Variants in COL6A3 observed in about 807,000 individuals in gnomAD.
The protein encoded by COL6A3 is collagen alpha-3(VI) chain.
Under a neutral mutation model 274.1 loss-of-function variants are expected in COL6A3, and 137 were observed. That is an observed-to-expected ratio of 0.50 (90% CI 0.44 to 0.58). The LOEUF (loss-of-function observed/expected upper bound fraction) is 0.58. COL6A3 is among the 20% of genes least tolerant of loss of function. The pLI, the probability that COL6A3 is intolerant of heterozygous loss-of-function variation, is 0.00. For missense variants in COL6A3, 3,950 were observed against 4,124.9 expected (o/e 0.96, Z 1.16); for synonymous variants, 1,650 against 1,650.6 (o/e 1.00, Z 0.01).
chr2:237,336,603 G>A, intron 39 of COL6A3, 71 bp from the exon 40 acceptor site: 1 of 1,529,194 alleles, frequency 6.5e-7, no homozygotes, highest in Non-Finnish European at 9.0e-7. Context: ...ATAACCCCAT[G>A]AGCTACATTA....
At chr2:237,338,532 G>A (rs905578231) in intron 39 of COL6A3, among the ~76,000 whole-genome samples, 1 of 152,170 alleles carries the variant, frequency 6.6e-6, no homozygotes, top group Non-Finnish European at 1.5e-5. Context: ...GGAGGCTGAG[G>A]CAGGCAGATC....
Position 237,374,804 on chromosome 2 carries a change from C to T in COL6A3, c.3287G>A (p.Arg1096His), listed in dbSNP as rs200860322. Residue 1096 changes from arginine (R) to histidine (H), a missense_variant, in exon 8 of 44, where the codon CGC becomes CAC. Arg to His is a conservative substitution (Grantham distance 29, BLOSUM62 0). Coordinates refer to ENST00000295550, the MANE Select transcript of COL6A3 (RefSeq NM_004369.4). This position sits in a 1 kb window ranked among gnomAD's most constrained non-coding sequence, Gnocchi z 4.8. The part of the protein sequence containing the change: ...MNKQDVVNAV[R>H]QLTLLGGPTP... The stretch of plus-strand genomic sequence containing the variant: ...CGGCCCTCCCAGCAGGGTCAGCTGG[C>T]GGACAGCGTTGACGACGTCCTGCTT... 3.0e-5 allele frequency: 48 copies of T among 1,613,924 alleles called. No individual in the cohort carries two copies. The highest frequency in any genetic ancestry group is 1.6e-4 in the Middle Eastern group (1 of 6,084).
At chr2:237,369,507 C>T (rs1359117030) in intron 9 of COL6A3, among the ~76,000 whole-genome samples, 1 of 152,232 alleles carries the variant, frequency 6.6e-6, no homozygotes. Flanking sequence ...CCGTAATCTA[C>T]AGAATCATGA....
In COL6A3 at chr2:237,372,289, C is replaced by T; in HGVS notation, c.3728G>A (p.Ser1243Asn). Reference sequence around the variant, plus strand: ...AACGTACTGGAACTCAGGCCCGGCACTTTGGGACCCATCGATGAGAAAGAC... The same window carrying T: ...AACGTACTGGAACTCAGGCCCGGCATTTTGGGACCCATCGATGAGAAAGAC... Reference protein sequence around the residue: ...DVVFLIDGSQSAGPEFQYVRT... With the variant: ...DVVFLIDGSQNAGPEFQYVRT... The change falls in exon 9 of 44, where the codon AGT (serine) becomes AAT (asparagine). Residue 1243 changes from serine to asparagine, a missense_variant. Coordinates refer to ENST00000295550, the MANE Select transcript of COL6A3 (RefSeq NM_004369.4). 6.2e-7 allele frequency: 1 copy of T among 1,612,360 alleles called. No individual in the cohort carries two copies. The highest frequency in any genetic ancestry group is 1.1e-5 in the South Asian group (1 of 91,088).
rs1042465536 is a variant in COL6A3, at chr2:237,358,697, C to T, written c.6409-114G>A. Reference sequence around the variant, plus strand: ...TAACTAGAACAATGTTTACAATTTACTCATTCACCATGAAGGCAAATTCAC... The same window carrying T: ...TAACTAGAACAATGTTTACAATTTATTCATTCACCATGAAGGCAAATTCAC... On this transcript the variant is annotated intron_variant, in intron 20 of 43. Transcript: ENST00000295550. 1.7e-5 allele frequency: 17 copies of T among 1,029,842 alleles called. No individual in the cohort carries two copies. In the African/African-American group the frequency reaches 2.0e-4, roughly 12 times the overall value. The allele number at this position is 1,029,842 out of a possible 1,614,324, so 63.8% of individuals were successfully genotyped here. A position where few individuals can be genotyped will look rare whatever the true frequency, so the allele number is the denominator to read the frequency against.
chr2:237,387,569 A>G lies in COL6A3; in HGVS notation c.1312+13T>C, dbSNP rs751768159. Reference sequence around the variant, plus strand: ...CCCCACTCCCACACAGATGGTGAGAAGAGGATACATACCTTGTGTGACAAT... The same window carrying G: ...CCCCACTCCCACACAGATGGTGAGAGGAGGATACATACCTTGTGTGACAAT... On this transcript the variant is annotated intron_variant, in intron 4 of 43. Coordinates refer to ENST00000295550, the MANE Select transcript of COL6A3 (RefSeq NM_004369.4). The G allele has an allele frequency of 6.2e-7, 1 of 1,613,880 alleles. No homozygotes were observed. The highest frequency in any genetic ancestry group is 8.5e-7 in the Non-Finnish European group (1 of 1,179,990).
chr2:237,340,502 T>A lies in COL6A3; in HGVS notation c.8414A>T (p.Asn2805Ile). 2 of 1,614,094 alleles carry A rather than the reference T, an allele frequency of 1.2e-6. No homozygotes were observed. Among genetic ancestry groups the A allele is most frequent in the East Asian group, 4.5e-5 (2 of 44,876 alleles). ...CCCGAAGCGCATCAAAGGCTCCTCG[T>A]TGAGCTCGGTGGACTTGTCCACTAA... The part of the protein sequence containing the change: ...FKLVDKSTEL[N>I]EEPLMRFGRL... The change falls in exon 38 of 44, where the codon AAC becomes ATC. Residue 2805 changes from asparagine (N) to isoleucine (I), a missense_variant. Physicochemically the swap from Asn to Ile is moderately radical, Grantham distance 149 (BLOSUM62 -3). This residue lies in a region of COL6A3 where 1,284 missense variants were observed against 1,349.7 expected (regional missense o/e 0.95). Transcript: ENST00000295550.
intron 36 of COL6A3, chr2:237,342,388 T>C (rs1431108119): frequency 1.8e-6 from 1 of 566,790 alleles, no homozygotes; most frequent in Admixed American, 3.0e-5. Flanking sequence ...CCCGTTCAAA[T>C]GGGTTTCAGT....
Position 237,372,263 on chromosome 2 carries a change from G to A in COL6A3, c.3754C>T (p.Arg1252Cys), listed in dbSNP as rs563530370. 2.0e-4 allele frequency: 317 copies of A among 1,613,504 alleles called. No individual in the cohort carries two copies. Among genetic ancestry groups the A allele is most frequent in the Non-Finnish European group, 2.5e-4 (292 of 1,180,054 alleles). Residue 1252 changes from arginine to cysteine, a missense_variant, in exon 9 of 44, where the codon CGC becomes TGC. Arg to Cys is a radical substitution (Grantham distance 180). Around this residue, in one of 5 missense-constraint regions of COL6A3, gnomAD observed 1,934 missense variants for 1,984.3 expected, o/e 0.97. Transcript: ENST00000295550. ...QSAGPEFQYV[R>C]TLIERLVDYL... is the part of the protein sequence containing the mutation. ...TCAACCAGCCTCTCTATGAGGGTGCGAACGTACTGGAACTCAGGCCCGGCA... is the reference window on the plus strand; with the variant it reads ...TCAACCAGCCTCTCTATGAGGGTGCAAACGTACTGGAACTCAGGCCCGGCA...
At chr2:237,363,603 A>G (rs1028571019) in intron 13 of COL6A3, among the ~76,000 whole-genome samples, 2 of 152,246 alleles carry the variant, frequency 1.3e-5, no homozygotes, top group Admixed American at 6.5e-5. Context: ...CGGTATGTCA[A>G]TAACTAAACC....
chr2:237,336,262 T>C lies in COL6A3; in HGVS notation c.8838A>G (p.Ala2946=), dbSNP rs1427472310. 1.2e-6 allele frequency: 2 copies of C among 1,613,988 alleles called. No homozygotes were observed. The highest frequency in any genetic ancestry group is 1.7e-5 in the Admixed American group (1 of 60,016). ...GGGGTCTTACAGCTGCTGGCTTTGC[T>C]GCTACAGGCTTCGCTGCCGTTGCTG... ...VKPATAAKPV[A]AKPAAVRPPA... Residue 2946 remains alanine, a synonymous_variant, in exon 40 of 44, where the codon GCA becomes GCG. Coordinates refer to ENST00000295550, the MANE Select transcript of COL6A3 (RefSeq NM_004369.4).
intron 1 of COL6A3, among the ~76,000 whole-genome samples, chr2:237,405,485 C>T (rs978104336): frequency 6.6e-6 from 1 of 152,092 alleles, no homozygotes; most frequent in African/African-American, 2.4e-5. Context: ...CAGCCATCCG[C>T]GCTCATTCCC....
chr2:237,354,374 C>T (rs1196893831), intron 24 of COL6A3, among the ~76,000 whole-genome samples: 2 of 151,732 alleles, frequency 1.3e-5, no homozygotes, highest in Admixed American at 1.3e-4. Flanking sequence ...AGGGAAATTC[C>T]TTGTGGACAA....
At position 237,371,783 on chromosome 2, in the gene COL6A3, T is replaced by C. The variant is rs764522621; in HGVS notation, c.4234A>G (p.Thr1412Ala). ...QKLLTPITTL[T>A]SEQIQKLLAS... Reference sequence around the variant, plus strand: ...AAGAGCTTCTGGATCTGCTCTGAGGTCAGGGTCGTGATGGGCGTCAGCAGT... The same window carrying C: ...AAGAGCTTCTGGATCTGCTCTGAGGCCAGGGTCGTGATGGGCGTCAGCAGT... The change falls in exon 9 of 44, where the codon ACC (threonine) becomes GCC (alanine). Residue 1412 changes from threonine (T) to alanine (A), a missense_variant. Transcript: ENST00000295550. The surrounding 1 kb of genome is among the most constrained non-coding windows in gnomAD (Gnocchi z 4.3). 6.2e-7 allele frequency: 1 copy of C among 1,613,180 alleles called. No homozygotes were observed. The highest frequency in any genetic ancestry group is 8.5e-7 in the Non-Finnish European group (1 of 1,179,662).
In COL6A3 at chr2:237,367,044, T is replaced by C. The variant is rs1365983591; in HGVS notation, c.5143A>G (p.Arg1715Gly). The change falls in exon 11 of 44, where the codon AGA becomes GGA. Residue 1715 changes from arginine to glycine, a missense_variant. Physicochemically the swap from Arg to Gly is moderately radical, Grantham distance 125 (BLOSUM62 -2). Around this residue, in one of 5 missense-constraint regions of COL6A3, gnomAD observed 632 missense variants for 623.4 expected, o/e 1.01. Transcript: ENST00000295550. ...AGGCCCACCTTAGTGTTGGCGTGTC[T>C]TCCCCCTTTGTAGACCACTTTGTTG... ...AINKVVYKGG[R>G]HANTKVGLEH... is the part of the protein sequence containing the mutation. 4.3e-6 allele frequency: 7 copies of C among 1,614,134 alleles called. No individual in the cohort carries two copies. The highest frequency in any genetic ancestry group is 1.7e-5 in the Admixed American group (1 of 60,010).
In COL6A3 at chr2:237,387,744, C is replaced by T. The variant is rs374267444; in HGVS notation, c.1150G>A (p.Ala384Thr). 100 of 1,613,866 alleles carry T rather than the reference C, an allele frequency of 6.2e-5. No individual in the cohort carries two copies. The African/African-American group carries it at 8.7e-4, about 14-fold the overall frequency. Reference sequence around the variant, plus strand: ...ATGTGCTGAAGCTCTGCCCTGGAGGCGGCCTGGGCTCCAAGGCCGAATGAG... The same window carrying T: ...ATGTGCTGAAGCTCTGCCCTGGAGGTGGCCTGGGCTCCAAGGCCGAATGAG... ...VFSFGLGAQA[A>T]SRAELQHIAT... is the part of the protein sequence containing the mutation. The change falls in exon 4 of 44, where the codon GCC becomes ACC. Residue 384 changes from alanine to threonine, a missense_variant. By Grantham distance (58) the Ala-to-Thr change is moderately conservative. This residue lies in a region of COL6A3 where 1,934 missense variants were observed against 1,984.3 expected (regional missense o/e 0.97). Coordinates refer to ENST00000295550, the MANE Select transcript of COL6A3 (RefSeq NM_004369.4).
At position 237,380,020 on chromosome 2, in the gene COL6A3, T is replaced by A. The variant is rs574525993; in HGVS notation, c.1898-785A>T. 9.2e-5 allele frequency among the ~76,000 whole-genome samples: 14 copies of A among 152,398 alleles called. No homozygotes were observed. In the East Asian group the frequency reaches 2.7e-3, roughly 29 times the overall value. The stretch of plus-strand genomic sequence containing the variant: ...TGCCTTTAAAATTTTATTTTTTATT[T>A]CTTCCCTGATGCCCTACTGTAATTT... On this transcript the variant is annotated intron_variant, in intron 5 of 43. Transcript: ENST00000295550.
Position 237,413,554 on chromosome 2 carries a change from G to T in COL6A3, c.-31+399C>A, listed in dbSNP as rs974547637. 3.9e-5 allele frequency among the ~76,000 whole-genome samples: 6 copies of T among 152,198 alleles called. No homozygotes were observed. Among genetic ancestry groups the T allele is most frequent in the Non-Finnish European group, 8.8e-5 (6 of 68,032 alleles). ...TCAGAGAACATCTCCCAGCGGAGCC[G>T]CCCGGCAGGGAGCTATGCTAGTCCT... On this transcript the variant is annotated intron_variant, in intron 1 of 43. Transcript: ENST00000295550. The surrounding 1 kb of genome is among the most constrained non-coding windows in gnomAD (Gnocchi z 4.0).
Position 237,342,140 on chromosome 2 carries a change from GC to G in COL6A3, c.7689del (p.His2564MetfsTer61). 4.3e-6 allele frequency: 7 copies of G among 1,614,192 alleles called. No homozygotes were observed. The highest frequency in any genetic ancestry group is 5.9e-6 in the Non-Finnish European group (7 of 1,180,018). ...NALQINNTAV[G>X]HALVLPAGRD... ...CTCCCTGCAGGCAGGACAAGCGCAT[GC>G]CCCACTGCTGTGTTATTGATCTGGT... On this transcript the variant is annotated frameshift_variant, in exon 37 of 44. Transcript: ENST00000295550. LOFTEE classifies it high-confidence loss of function.
Sources: gnomAD v4.1 joint callset for allele counts (sites outside exome capture counted in the v4.1 genomes callset) on GRCh38, gnomAD v4.1.1 for gene constraint, gnomAD v4.1.1 regional missense constraint, Gnocchi (gnomAD v3.1) non-coding constraint, MANE v1.5 for transcripts, NCBI Gene and HGNC (gene_info 2026-07-23, HGNC 2026-07-21) for gene names.